CLCC1: variants seen among roughly 807,000 people sequenced by gnomAD.
The protein encoded by CLCC1 is chloride channel CLIC-like protein 1.
In CLCC1, 39 loss-of-function variants were observed where a neutral mutation model predicts 63.3. The observed-to-expected ratio is 0.62, with a 90% CI of 0.48 to 0.81. CLCC1 has a LOEUF of 0.81. Ranked by LOEUF, CLCC1 falls within the 30% of genes least tolerant of loss-of-function variation. CLCC1 has a pLI of 0.00. For synonymous variants in CLCC1, 217 were observed against 239.8 expected (o/e 0.90, Z 0.88); for missense variants, 549 against 669.4 (o/e 0.82, Z 1.98).
At chr1:108,949,965 T>TA (rs1238607927) in intron 3 of CLCC1, 44 bp from the exon 4 acceptor site, 1 of 1,195,490 alleles carries the variant, frequency 8.4e-7, no homozygotes, top group Non-Finnish European at 1.2e-6. Context: ...ATAGTTTAGT[T>TA]ACAAAAATAG....
In CLCC1 at chr1:108,956,609, C is replaced by T. The variant is rs1193224758; in HGVS notation, c.-12+5700G>A. Reference sequence around the variant, plus strand: ...CTGGGAGGCGGAAGTTGCAGTGAGGCGAGATCACACCACTGCACTCCAGCC... The same window carrying T: ...CTGGGAGGCGGAAGTTGCAGTGAGGTGAGATCACACCACTGCACTCCAGCC... On this transcript the variant is annotated intron_variant, in intron 2 of 12. Coordinates refer to ENST00000369969, the MANE Select transcript of CLCC1 (RefSeq NM_001377458.1). Among the ~76,000 whole-genome samples, 10 of 148,086 alleles carry T rather than the reference C, an allele frequency of 6.8e-5. 1 individual carries two copies. Among genetic ancestry groups the T allele is most frequent in the African/African-American group, 2.6e-4 (10 of 39,008 alleles).
Position 108,946,939 on chromosome 1 carries a change from G to A in CLCC1, c.339+672C>T, listed in dbSNP as rs141592906. ...AGCACTTTGGGAGGCCAAGGCAAGCGGATCACCTGAGGTCAGGAGTTTAAG... is the reference window on the plus strand; with the variant it reads ...AGCACTTTGGGAGGCCAAGGCAAGCAGATCACCTGAGGTCAGGAGTTTAAG... On this transcript the variant is annotated intron_variant, in intron 5 of 12. Coordinates refer to ENST00000369969, the MANE Select transcript of CLCC1 (RefSeq NM_001377458.1). Among the ~76,000 whole-genome samples, 1,158 of 152,158 alleles carry A rather than the reference G, an allele frequency of 7.6e-3. 7 individuals are homozygous for A. The highest frequency in any genetic ancestry group is 0.024 in the African/African-American group (1,011 of 41,508).
chr1:108,931,976 GCTT>G lies in CLCC1; in HGVS notation c.*568_*570del, dbSNP rs1257739945. 2 of 153,332 alleles carry G rather than the reference GCTT, an allele frequency of 1.3e-5. No homozygotes were observed. Among genetic ancestry groups the G allele is most frequent in the Admixed American group, 1.3e-4 (2 of 15,390 alleles). 9.5% of individuals were successfully genotyped at this position (153,332 alleles called of 1,614,324 possible). ...CTACCCTGTTCTGATTTTCCTAAAA[GCTT>G]CACACTATATAGGCTGGGCACAATG... is the stretch of plus-strand genomic sequence containing the variant. On this transcript the variant is annotated 3_prime_UTR_variant, in exon 13 of 13. Transcript: ENST00000369969.
At position 108,929,931 on chromosome 1, in the gene CLCC1, A is replaced by T; in HGVS notation, c.*2616T>A. 6.2e-7 allele frequency: 1 copy of T among 1,613,484 alleles called. No homozygotes were observed. On this transcript the variant is annotated 3_prime_UTR_variant, in exon 13 of 13. Transcript: ENST00000369969. Reference sequence around the variant, plus strand: ...TTAAAAATTCAGGGAAAAAATCGGCAGACCATTAGTTACTATGGATTTATT... The same window carrying T: ...TTAAAAATTCAGGGAAAAAATCGGCTGACCATTAGTTACTATGGATTTATT...
At position 108,929,872 on chromosome 1, in the gene CLCC1, A is replaced by T. The variant is rs1183342637; in HGVS notation, c.*2675T>A. On this transcript the variant is annotated 3_prime_UTR_variant, in exon 13 of 13. Transcript: ENST00000369969. ...AAACAGAGACACTGACTTTGGGCTA[A>T]AGGACTTTTTGCAAAATAATGCTTT... The T allele has an allele frequency of 6.2e-7, 1 of 1,613,892 alleles. No homozygotes were observed. Among genetic ancestry groups the T allele is most frequent in the African/African-American group, 1.3e-5 (1 of 74,934 alleles).
At chr1:108,945,418 C>T (rs1055017985) in intron 5 of CLCC1, among the ~76,000 whole-genome samples, 2 of 152,180 alleles carry the variant, frequency 1.3e-5, no homozygotes, top group Admixed American at 1.3e-4. Context: ...GTTTGCAGTA[C>T]GAGAGCTGAA....
rs1359457620 is a variant in CLCC1 at position 108,929,729 on chromosome 1, C to T, written c.*2818G>A. 1 of 1,612,708 alleles carries T rather than the reference C, an allele frequency of 6.2e-7. No individual in the cohort carries two copies. The highest frequency in any genetic ancestry group is 1.3e-5 in the African/African-American group (1 of 74,894). On this transcript the variant is annotated 3_prime_UTR_variant, in exon 13 of 13. Coordinates refer to ENST00000369969, the MANE Select transcript of CLCC1 (RefSeq NM_001377458.1). ...TCCAGATTAGATGATCAAAGATGTGCTCCACCACCTGCTACCACAAAGGGT... is the reference window on the plus strand; with the variant it reads ...TCCAGATTAGATGATCAAAGATGTGTTCCACCACCTGCTACCACAAAGGGT...
intron 12 of CLCC1, 31 bp downstream of exon 12, chr1:108,934,594 G>T: frequency 6.7e-7 from 1 of 1,496,890 alleles, no homozygotes; most frequent in Non-Finnish European, 9.0e-7. Flanking sequence ...TTCTTGCAGA[G>T]AAGAGAAAGA....
chr1:108,947,610 C>G lies in CLCC1; in HGVS notation c.339+1G>C. On this transcript the variant is annotated splice_donor_variant, in intron 5 of 12. Transcript: ENST00000369969. LOFTEE classifies it high-confidence loss of function. ...TTAGTATCACACCATCAAATACTCA[C>G]AAGTCCAAGCTTTCCAGCTTCAATT... is the stretch of plus-strand genomic sequence containing the variant. The G allele has an allele frequency of 1.3e-6, 2 of 1,579,324 alleles. No homozygotes were observed. The highest frequency in any genetic ancestry group is 1.7e-6 in the Non-Finnish European group (2 of 1,153,172).
In CLCC1 at chr1:108,960,934, T is replaced by C. The variant is rs78515893; in HGVS notation, c.-12+1375A>G. ...AACTCCTGAGCTCAAAGGATCCCCC[T>C]GCCCGCCGCCTTGTCTTCCCAAAGT... On this transcript the variant is annotated intron_variant, in intron 2 of 12. Coordinates refer to ENST00000369969, the MANE Select transcript of CLCC1 (RefSeq NM_001377458.1). Among the ~76,000 whole-genome samples, 1,498 of 152,170 alleles carry C rather than the reference T, an allele frequency of 9.8e-3. 23 individuals carry two copies. The highest frequency in any genetic ancestry group is 0.034 in the African/African-American group (1,418 of 41,514).
chr1:108,937,900 G>C (rs867166505), intron 10 of CLCC1, among the ~76,000 whole-genome samples: 22 of 152,182 alleles, frequency 1.4e-4, no homozygotes, highest in Middle Eastern at 3.2e-3. Flanking sequence ...GGAAAAAGTA[G>C]GCAGCAGTTC....
At chr1:108,940,573 C>T (rs1465556065) in intron 8 of CLCC1, among the ~76,000 whole-genome samples, 1 of 152,144 alleles carries the variant, frequency 6.6e-6, no homozygotes, top group Non-Finnish European at 1.5e-5. Flanking sequence ...TACACGGGCT[C>T]TCTCTGTAGT....
At position 108,963,364 on chromosome 1, in the gene CLCC1, C is replaced by G; in HGVS notation, c.-176G>C. On this transcript the variant is annotated 5_prime_UTR_variant, in exon 1 of 13. Transcript: ENST00000369969. ...ACACCCAACTGCACGGACTCACGTC[C>G]GGGATCCCCTGCCTGCCTCTCGAGG... is the stretch of plus-strand genomic sequence containing the variant. 1 of 702,280 alleles carries G rather than the reference C, an allele frequency of 1.4e-6. No individual in the cohort carries two copies. The highest frequency in any genetic ancestry group is 2.6e-6 in the Non-Finnish European group (1 of 384,844). 43.5% of individuals were successfully genotyped at this position (702,280 alleles called of 1,614,324 possible). A position where few individuals can be genotyped will look rare whatever the true frequency, so the allele number is the denominator to read the frequency against.
chr1:108,944,917 CTG>C (rs1654349294), intron 5 of CLCC1, among the ~76,000 whole-genome samples: 1 of 152,258 alleles, frequency 6.6e-6, no homozygotes, highest in South Asian at 2.1e-4. Context: ...GCGTGAGCCA[CTG>C]CACCCGGCCT....
At chr1:108,958,476 T>C (rs1475338611) in intron 2 of CLCC1, among the ~76,000 whole-genome samples, 2 of 151,558 alleles carry the variant, frequency 1.3e-5, no homozygotes, top group Non-Finnish European at 2.9e-5. Flanking sequence ...AAGGAATCTA[T>C]ACTTTACTTA....
At chr1:108,944,746 C>T (rs1352520134) in intron 5 of CLCC1, among the ~76,000 whole-genome samples, 1 of 152,166 alleles carries the variant, frequency 6.6e-6, no homozygotes, top group East Asian at 1.9e-4. Flanking sequence ...TCTCCTGCCT[C>T]AGCCTCCCAT....
At chr1:108,949,737 A>G in intron 4 of CLCC1, 83 bp downstream of exon 4, 1 of 732,294 alleles carries the variant, frequency 1.4e-6, no homozygotes, top group Non-Finnish European at 2.1e-6. Flanking sequence ...AACACTAGAA[A>G]TACAAATTTA....
intron 2 of CLCC1, among the ~76,000 whole-genome samples, chr1:108,953,500 C>T (rs922221522): frequency 6.6e-6 from 1 of 152,162 alleles, no homozygotes; most frequent in Non-Finnish European, 1.5e-5. Flanking sequence ...GACAGAAAAC[C>T]ACTGTTAATG....
chr1:108,943,656 T>C (rs746634409), intron 6 of CLCC1, 41 bp from the exon 7 acceptor site: 1 of 1,606,840 alleles, frequency 6.2e-7, no homozygotes, highest in East Asian at 2.2e-5. Flanking sequence ...CCAAAAACAC[T>C]TAAGACAGCT....
Sources: gnomAD v4.1 joint callset for allele counts (sites outside exome capture counted in the v4.1 genomes callset) on GRCh38, gnomAD v4.1.1 for gene constraint, MANE v1.5 for transcripts, NCBI Gene and HGNC (gene_info 2026-07-23, HGNC 2026-07-21) for gene names.